ARID4A: variants seen among roughly 807,000 people sequenced by gnomAD.
The protein encoded by ARID4A is AT-rich interaction domain 4A.
ARID4A carries 39 observed loss-of-function variants against 148.6 expected under a neutral mutation model. That is an observed-to-expected ratio of 0.26 (90% confidence interval 0.20 to 0.34). The LOEUF is 0.34. ARID4A is among the 10% of genes least tolerant of loss of function. The pLI is 1.00. For missense variants in ARID4A, 1,265 were observed against 1,449.1 expected (o/e 0.87, Z 2.06); for synonymous variants, 475 against 481.2 (o/e 0.99, Z 0.17).
At chr14:58,324,152 C>A (rs1455143523) in intron 8 of ARID4A, among the ~76,000 whole-genome samples, 1 of 152,126 alleles carries the variant, frequency 6.6e-6, no homozygotes, top group African/African-American at 2.4e-5. Flanking sequence ...GGTCCGCCCA[C>A]CTCGGCCTCC....
At position 58,304,886 on chromosome 14, in the gene ARID4A, C is replaced by G. The variant is rs1594862418; in HGVS notation, c.118-58C>G. The stretch of plus-strand genomic sequence containing the variant: ...TAAAGACATTATTGTTATAGTGTTA[C>G]TATAAATGTATTTGTTTTAAAAGTA... On this transcript the variant is annotated intron_variant, in intron 3 of 23. Transcript: ENST00000355431. 20 of 1,361,308 alleles carry G rather than the reference C, an allele frequency of 1.5e-5. No homozygotes were observed. In the South Asian group the frequency reaches 1.8e-4, roughly 12 times the overall value. 84.3% of individuals were successfully genotyped at this position (1,361,308 alleles called of 1,614,324 possible). A position where few individuals can be genotyped will look rare whatever the true frequency, so the allele number is the denominator to read the frequency against.
intron 23 of ARID4A, among the ~76,000 whole-genome samples, chr14:58,368,071 A>G (rs899074452): frequency 2.6e-5 from 4 of 152,092 alleles, no homozygotes; most frequent in Admixed American, 2.6e-4. Flanking sequence ...CTCACCCCCA[A>G]CTCAAGCAGA....
intron 19 of ARID4A, among the ~76,000 whole-genome samples, chr14:58,363,067 T>C (rs1050094017): frequency 6.6e-6 from 1 of 152,232 alleles, no homozygotes; most frequent in African/African-American, 2.4e-5. Flanking sequence ...CATACCTGTG[T>C]GCAGTGTCCA....
chr14:58,372,413 T>G lies in ARID4A; in HGVS notation c.*424T>G. 1 of 238,884 alleles carries G rather than the reference T, an allele frequency of 4.2e-6. No homozygotes were observed. Among genetic ancestry groups the G allele is most frequent in the Non-Finnish European group, 8.2e-6 (1 of 122,280 alleles). The allele number at this position is 238,884 out of a possible 1,614,324, so 14.8% of individuals were successfully genotyped here. On this transcript the variant is annotated 3_prime_UTR_variant, in exon 24 of 24. Coordinates refer to ENST00000355431, the MANE Select transcript of ARID4A (RefSeq NM_002892.4). ...AAGATGTATTTGAACACTTGGTGAG[T>G]AGGGGGTTTATGTTGTGTTTTTTTT...
chr14:58,329,125 A>G (rs1218088574), intron 9 of ARID4A, among the ~76,000 whole-genome samples: 2 of 152,312 alleles, frequency 1.3e-5, no homozygotes, highest in Admixed American at 6.5e-5. Flanking sequence ...AATATATTTT[A>G]TAGTGATAAA....
chr14:58,307,103 A>G (rs1160270413), intron 5 of ARID4A, among the ~76,000 whole-genome samples: 1 of 152,096 alleles, frequency 6.6e-6, no homozygotes, highest in Non-Finnish European at 1.5e-5. Flanking sequence ...ACATTTCCAA[A>G]TCTCCTCTCA....
intron 16 of ARID4A, 108 bp from the exon 17 acceptor site, chr14:58,353,550 A>G: frequency 1.1e-6 from 1 of 923,764 alleles, no homozygotes; most frequent in Non-Finnish European, 1.6e-6. Flanking sequence ...CTGATATGTT[A>G]TTAAGGTAAT....
At chr14:58,367,802 G>A (rs1199858916) in intron 23 of ARID4A, among the ~76,000 whole-genome samples, 1 of 152,124 alleles carries the variant, frequency 6.6e-6, no homozygotes, top group Non-Finnish European at 1.5e-5. Flanking sequence ...GACCACAACA[G>A]ACAAGAAATG....
At chr14:58,334,238 G>A (rs896001629) in intron 11 of ARID4A, among the ~76,000 whole-genome samples, 5 of 152,066 alleles carry the variant, frequency 3.3e-5, no homozygotes, top group Non-Finnish European at 5.9e-5. Flanking sequence ...TAGTTGACTT[G>A]TACTAAAAAT....
At chr14:58,371,521 A>G (rs1159870058) in intron 23 of ARID4A, among the ~76,000 whole-genome samples, 3 of 152,186 alleles carry the variant, frequency 2.0e-5, no homozygotes, top group East Asian at 1.9e-4. Context: ...TTACGGTCCT[A>G]TGACCCATAG....
At chr14:58,299,540 C>G (rs1010317902) in intron 1 of ARID4A, 2 of 488,814 alleles carry the variant, frequency 4.1e-6, no homozygotes, top group Admixed American at 6.6e-5. Flanking sequence ...GTTGAGCATT[C>G]CGGGTCAAAG....
rs375239235 is a variant in ARID4A, at chr14:58,357,480, T to C, written c.1854-1652T>C. Among the ~76,000 whole-genome samples the C allele has an allele frequency of 9.4e-4, 143 of 152,344 alleles. 1 individual carries two copies. Among genetic ancestry groups the C allele is most frequent in the African/African-American group, 3.3e-3 (137 of 41,584 alleles). ...TTCCAGATACATGAGTTTCTATTAA[T>C]ACGCTACAGTCTAAAACAAGTTTGT... On this transcript the variant is annotated intron_variant, in intron 17 of 23. Coordinates refer to ENST00000355431, the MANE Select transcript of ARID4A (RefSeq NM_002892.4).
chr14:58,315,528 ATG>A (rs1253455430), intron 5 of ARID4A, among the ~76,000 whole-genome samples: 1 of 152,038 alleles, frequency 6.6e-6, no homozygotes, highest in Non-Finnish European at 1.5e-5. Flanking sequence ...CTCCATTTAA[ATG>A]TGTGTGTGTG....
rs71107937 is a variant in ARID4A at position 58,346,927 on chromosome 14, CAAAAAAAAAAAAAAAAAAAAAAAAAA to C, written c.1075-72_1075-47del. On this transcript the variant is annotated intron_variant, in intron 13 of 23. Transcript: ENST00000355431. Reference sequence around the variant, plus strand: ...TGGGCGACAGAGTGAGACCCTGTCTCAAAAAAAAAAAAAAAAAAAAAAAAAAAAAAAAAAAAAAAAAAAAAAGATTA... The same window carrying C: ...TGGGCGACAGAGTGAGACCCTGTCTCAAAAAAAAAAAAAAAAAAAAGATTA... The C allele has an allele frequency of 2.2e-3, 312 of 140,386 alleles. 4 individuals carry two copies. Among genetic ancestry groups the C allele is most frequent in the Middle Eastern group, 4.8e-3 (2 of 416 alleles). 8.7% of individuals were successfully genotyped at this position (140,386 alleles called of 1,614,324 possible). A position where few individuals can be genotyped will look rare whatever the true frequency, so the allele number is the denominator to read the frequency against.
chr14:58,318,852 C>A lies in ARID4A; in HGVS notation c.449+47C>A, dbSNP rs1357853539. 4 of 1,477,808 alleles carry A rather than the reference C, an allele frequency of 2.7e-6. No individual in the cohort carries two copies. The Admixed American group carries it at 7.0e-5, about 26-fold the overall frequency. 91.5% of individuals were successfully genotyped at this position (1,477,808 alleles called of 1,614,324 possible). A position where few individuals can be genotyped will look rare whatever the true frequency, so the allele number is the denominator to read the frequency against. Reference sequence around the variant, plus strand: ...ATCATTTTAATTACAATTATTATAACCTTAAACAAGGGATTTTGTTAGGAT... The same window carrying A: ...ATCATTTTAATTACAATTATTATAAACTTAAACAAGGGATTTTGTTAGGAT... On this transcript the variant is annotated intron_variant, in intron 7 of 23. Transcript: ENST00000355431.
chr14:58,317,239 C>T (rs1451619518), intron 5 of ARID4A, among the ~76,000 whole-genome samples: 3 of 148,474 alleles, frequency 2.0e-5, no homozygotes, highest in African/African-American at 7.4e-5. Flanking sequence ...GAGAAAGCAT[C>T]TATGTAATTA....
At chr14:58,369,844 A>G (rs150240531) in intron 23 of ARID4A, among the ~76,000 whole-genome samples, 108 of 152,298 alleles carry the variant, frequency 7.1e-4, no homozygotes, top group African/African-American at 2.3e-3. Context: ...CTCTAGGATG[A>G]CCACTGCATA....
In ARID4A at chr14:58,364,295, A is replaced by T. The variant is rs756432992; in HGVS notation, c.2206A>T (p.Asn736Tyr). Residue 736 changes from asparagine to tyrosine, a missense_variant, in exon 20 of 24, where the codon AAT (asparagine) becomes TAT (tyrosine). Coordinates refer to ENST00000355431, the MANE Select transcript of ARID4A (RefSeq NM_002892.4). Reference sequence around the variant, plus strand: ...GAATGATGATAAGCTAGATGAAGAAAATCCAAAGATTTCTGCACATATATT... The same window carrying T: ...GAATGATGATAAGCTAGATGAAGAATATCCAAAGATTTCTGCACATATATT... The part of the protein sequence containing the change: ...NLNDDKLDEE[N>Y]PKISAHILKE... 6.4e-7 allele frequency: 1 copy of T among 1,562,208 alleles called. No homozygotes were observed. Among genetic ancestry groups the T allele is most frequent in the Non-Finnish European group, 8.6e-7 (1 of 1,164,580 alleles).
In ARID4A at chr14:58,372,234, T is replaced by G. The variant is rs1422721387; in HGVS notation, c.*245T>G. Reference sequence around the variant, plus strand: ...TCATAATTTTTCCTCTTTACTTTTGTTTTTCGTTTGTTGTGATATAGAACA... The same window carrying G: ...TCATAATTTTTCCTCTTTACTTTTGGTTTTCGTTTGTTGTGATATAGAACA... On this transcript the variant is annotated 3_prime_UTR_variant, in exon 24 of 24. Transcript: ENST00000355431. The G allele has an allele frequency of 2.4e-6, 1 of 408,710 alleles. No homozygotes were observed. The highest frequency in any genetic ancestry group is 4.0e-5 in the East Asian group (1 of 24,930). 25.3% of individuals were successfully genotyped at this position (408,710 alleles called of 1,614,324 possible).
Sources: allele counts gnomAD v4.1 joint callset (sites outside exome capture counted in the v4.1 genomes callset), GRCh38; gene constraint gnomAD v4.1.1; transcripts MANE v1.5; gene names NCBI Gene and HGNC (gene_info 2026-07-23, HGNC 2026-07-21).